The following PHF2 variants were observed in gnomAD, a reference collection of about 807,000 sequenced individuals.
The protein encoded by PHF2 is lysine-specific demethylase PHF2.
PHF2 carries 27 observed loss-of-function variants against 120.5 expected under a neutral mutation model. The ratio of observed to expected loss-of-function variants is 0.22; its 90% CI spans 0.17 to 0.31. The LOEUF (loss-of-function observed/expected upper bound fraction) is 0.31. Ranked by LOEUF, PHF2 falls within the 10% of genes least tolerant of loss-of-function variation. PHF2 has a pLI of 1.00. For synonymous variants in PHF2, 568 were observed against 592.5 expected, an observed-to-expected ratio of 0.96 and a Z score of 0.60; for missense variants, 1,024 against 1,434.8, an observed-to-expected ratio of 0.71 and a Z score of 4.63.
chr9:93,615,247 ATGG>A (rs1825711332), intron 1 of PHF2, among the ~76,000 whole-genome samples: 1 of 146,826 alleles, frequency 6.8e-6, no homozygotes, highest in Admixed American at 6.8e-5. Flanking sequence ...GATGGTGTTG[ATGG>A]TGATGGTGAT....
intron 1 of PHF2, among the ~76,000 whole-genome samples, chr9:93,627,492 A>ATTTTT (rs55647503): frequency 1.9e-4 from 21 of 108,140 alleles, no homozygotes; most frequent in African/African-American, 3.8e-4. Context: ...TTATTTCAGG[A>ATTTTT]TTTTTTTTTT....
chr9:93,627,863 G>A (rs1303960109), intron 1 of PHF2, among the ~76,000 whole-genome samples: 1 of 152,284 alleles, frequency 6.6e-6, no homozygotes, highest in African/African-American at 2.4e-5. Context: ...TGAGGCAGAG[G>A]GCTGTGCCAG....
intron 2 of PHF2, among the ~76,000 whole-genome samples, chr9:93,635,136 C>A (rs554564312): frequency 6.6e-6 from 1 of 152,338 alleles, no homozygotes; most frequent in Admixed American, 6.5e-5. Flanking sequence ...CGGATTTTGC[C>A]AAGTTTCCAT....
At chr9:93,604,551 G>A (rs1421911765) in intron 1 of PHF2, among the ~76,000 whole-genome samples, 1 of 150,812 alleles carries the variant, frequency 6.6e-6, no homozygotes, top group South Asian at 2.1e-4. Flanking sequence ...TGCAAGCTCC[G>A]CCTCCCGGGT....
chr9:93,620,084 C>T (rs1825800952), intron 1 of PHF2, among the ~76,000 whole-genome samples: 1 of 152,208 alleles, frequency 6.6e-6, no homozygotes, highest in South Asian at 2.1e-4. Context: ...TGACCACAAG[C>T]AGCCTGTGAC....
chr9:93,650,625 C>T (rs1172810778), intron 5 of PHF2, among the ~76,000 whole-genome samples: 1 of 152,180 alleles, frequency 6.6e-6, no homozygotes, highest in Non-Finnish European at 1.5e-5. Flanking sequence ...ACCAGCCTGG[C>T]TTCCTGGTGG....
intron 1 of PHF2, among the ~76,000 whole-genome samples, chr9:93,610,120 C>T (rs1825611604): frequency 6.6e-6 from 1 of 151,892 alleles, no homozygotes; most frequent in African/African-American, 2.4e-5. Context: ...TTTTGAGCTT[C>T]CTGGATCTGT....
At chr9:93,654,608 A>G (rs746219174) in intron 7 of PHF2, 33 bp downstream of exon 7, 12 of 1,599,586 alleles carry the variant, frequency 7.5e-6, no homozygotes, top group Non-Finnish European at 1.0e-5. Context: ...ACCATGTACT[A>G]GGGCTTGCCG....
intron 7 of PHF2, 45 bp downstream of exon 7, chr9:93,654,620 C>G (rs768834243): frequency 6.3e-7 from 1 of 1,583,212 alleles, no homozygotes; most frequent in South Asian, 1.1e-5. Context: ...GGCTTGCCGG[C>G]CCTCATCAAG....
At chr9:93,629,028 C>T (rs1330493867) in intron 1 of PHF2, among the ~76,000 whole-genome samples, 1 of 152,092 alleles carries the variant, frequency 6.6e-6, no homozygotes, top group East Asian at 1.9e-4. Context: ...TCCCGAATAG[C>T]TGGGATTACA....
At chr9:93,648,824 G>A (rs866698235) in intron 4 of PHF2, among the ~76,000 whole-genome samples, 43 of 152,204 alleles carry the variant, frequency 2.8e-4, no homozygotes, top group Middle Eastern at 3.4e-3. Flanking sequence ...TCTGGCCACC[G>A]TCGCTGAGGC....
chr9:93,578,728 G>A (rs1023609143), intron 1 of PHF2, among the ~76,000 whole-genome samples: 1 of 152,232 alleles, frequency 6.6e-6, no homozygotes, highest in Non-Finnish European at 1.5e-5. Context: ...GCAGGCAGGC[G>A]ACAGGGGCTG....
At chr9:93,669,148 C>T (rs886614187) in intron 17 of PHF2, among the ~76,000 whole-genome samples, 7 of 152,216 alleles carry the variant, frequency 4.6e-5, no homozygotes, top group African/African-American at 1.4e-4. Flanking sequence ...TCTTGGGTTG[C>T]CCAGACGGCA....
chr9:93,607,363 C>T (rs1208453655), intron 1 of PHF2, among the ~76,000 whole-genome samples: 1 of 151,010 alleles, frequency 6.6e-6, no homozygotes, highest in Non-Finnish European at 1.5e-5. Flanking sequence ...CCTCTACCTC[C>T]TGGGTTCAAG....
Position 93,663,621 on chromosome 9 carries a change from C to G in PHF2, c.1923C>G (p.Asn641Lys). 1.2e-6 allele frequency: 2 copies of G among 1,608,920 alleles called. No individual in the cohort carries two copies. The highest frequency in any genetic ancestry group is 1.7e-6 in the Non-Finnish European group (2 of 1,176,144). Residue 641 changes from asparagine to lysine, a missense_variant, in exon 14 of 22, where the codon AAC becomes AAG. Physicochemically the swap from Asn to Lys is moderately conservative, Grantham distance 94. Transcript: ENST00000359246. Reference protein sequence around the residue: ...KDNKFSFSFSNKKLLGSKALR... With the variant: ...KDNKFSFSFSKKKLLGSKALR... ...ATAAGTTCTCTTTTTCTTTCTCCAA[C>G]AAGAAACTCCTCGGGTATGTGAGTG...
chr9:93,655,299 A>G lies in PHF2; in HGVS notation c.953-635A>G, dbSNP rs543658181. Among the ~76,000 whole-genome samples, 47 of 150,716 alleles carry G rather than the reference A, an allele frequency of 3.1e-4. 2 individuals are homozygous for G. The East Asian group carries it at 6.4e-3, about 21-fold the overall frequency. On this transcript the variant is annotated intron_variant, in intron 7 of 21. Coordinates refer to ENST00000359246, the MANE Select transcript of PHF2 (RefSeq NM_005392.4). Reference sequence around the variant, plus strand: ...TGGTTTTTTTTTTTTTTCATTTTAAATAAGTATCAAACTGAGGCCCTCATA... The same window carrying G: ...TGGTTTTTTTTTTTTTTCATTTTAAGTAAGTATCAAACTGAGGCCCTCATA...
chr9:93,607,259 G>C (rs560810255), intron 1 of PHF2, among the ~76,000 whole-genome samples: 1 of 151,954 alleles, frequency 6.6e-6, no homozygotes, highest in African/African-American at 2.4e-5. Flanking sequence ...TGGGGTTTTT[G>C]TTGTTGTTGT....
intron 1 of PHF2, among the ~76,000 whole-genome samples, chr9:93,608,060 A>G (rs1435743211): frequency 6.6e-6 from 1 of 152,064 alleles, no homozygotes; most frequent in Non-Finnish European, 1.5e-5. Context: ...AGAAAGATGT[A>G]TTATTAATCC....
At position 93,674,909 on chromosome 9, in the gene PHF2, C is replaced by G; in HGVS notation, c.2627-18C>G. 1 of 1,597,908 alleles carries G rather than the reference C, an allele frequency of 6.3e-7. No individual in the cohort carries two copies. The highest frequency in any genetic ancestry group is 8.6e-7 in the Non-Finnish European group (1 of 1,165,700). ...CCCTGCACTCAGCGGGCCACGCCTT[C>G]CCTCTGCCTCCCTCTAGTTTACCCC... On this transcript the variant is annotated intron_variant, in intron 18 of 21. Transcript: ENST00000359246.
Sources: gnomAD v4.1 joint callset for allele counts (sites outside exome capture counted in the v4.1 genomes callset) on GRCh38, gnomAD v4.1.1 for gene constraint, MANE v1.5 for transcripts, NCBI Gene and HGNC (gene_info 2026-07-23, HGNC 2026-07-21) for gene names.